RAP1B: variants seen among roughly 807,000 people sequenced by gnomAD.
RAP1B encodes the protein ras-related protein Rap-1b.
Under a neutral mutation model 27.5 loss-of-function variants are expected in RAP1B, and 1 was observed. The observed-to-expected ratio is 0.04, with a 90% CI of 0.01 to 0.17. RAP1B has a LOEUF of 0.17. RAP1B is among the 10% of genes least tolerant of loss of function. RAP1B has a pLI of 1.00. For missense variants in RAP1B, 84 were observed against 214.8 expected, an observed-to-expected ratio of 0.39 and a Z score of 3.81; for synonymous variants, 75 against 73.1, an observed-to-expected ratio of 1.03 and a Z score of -0.13.
rs1046774419 is a variant in RAP1B at position 68,669,180 on chromosome 12, C to T, written c.*9931C>T. 2.0e-5 allele frequency: 3 copies of T among 152,050 alleles called. No individual in the cohort carries two copies. Among genetic ancestry groups the T allele is most frequent in the South Asian group, 2.1e-4 (1 of 4,818 alleles). 9.4% of individuals were successfully genotyped at this position (152,050 alleles called of 1,614,324 possible). A position where few individuals can be genotyped will look rare whatever the true frequency, so the allele number is the denominator to read the frequency against. ...TACCTACAAGTTGATATAGTAAACA[C>T]GACAGATAAAAACTAAATGCCTTAA... On this transcript the variant is annotated 3_prime_UTR_variant, in exon 8 of 8. Transcript: ENST00000250559.
chr12:68,631,995 C>CT (rs531967605), intron 1 of RAP1B, among the ~76,000 whole-genome samples: 54 of 152,000 alleles, frequency 3.6e-4, no homozygotes, highest in African/African-American at 1.2e-3. Flanking sequence ...GTTGGTCACT[C>CT]TGATTCCACT....
intron 3 of RAP1B, chr12:68,651,696 G>A (rs756412434): frequency 4.0e-5 from 12 of 302,680 alleles, no homozygotes; most frequent in East Asian, 2.8e-4. Flanking sequence ...GAGCTATTTC[G>A]AAACTATTTT....
At chr12:68,613,194 T>C (rs1870731048) in intron 1 of RAP1B, among the ~76,000 whole-genome samples, 2 of 151,856 alleles carry the variant, frequency 1.3e-5, no homozygotes, top group Non-Finnish European at 2.9e-5. Context: ...ACCCCGTCTT[T>C]ACTAAAAATA....
intron 1 of RAP1B, among the ~76,000 whole-genome samples, chr12:68,637,449 T>C (rs1205326130): frequency 6.6e-6 from 1 of 151,466 alleles, no homozygotes; most frequent in Non-Finnish European, 1.5e-5. Context: ...AATATAAAAT[T>C]AGCCAGGTGT....
chr12:68,647,645 T>C (rs1357030288), intron 1 of RAP1B, among the ~76,000 whole-genome samples: 1 of 151,662 alleles, frequency 6.6e-6, no homozygotes, highest in African/African-American at 2.4e-5. Context: ...ATTAGGAAGT[T>C]CCATGGTTGG....
In RAP1B at chr12:68,637,615, A is replaced by C. The variant is rs1038190303; in HGVS notation, c.-26-11084A>C. Among the ~76,000 whole-genome samples the C allele has an allele frequency of 6.9e-4, 104 of 150,252 alleles. 1 individual carries two copies. Among genetic ancestry groups the C allele is most frequent in the Non-Finnish European group, 1.1e-3 (76 of 67,338 alleles). On this transcript the variant is annotated intron_variant, in intron 1 of 7. Transcript: ENST00000250559. ...ACTCCATCTCAAAAAAAAAAAAAAA[A>C]AAAAAAAAAAAAACAAGATGCCAGC... is the stretch of plus-strand genomic sequence containing the variant.
At chr12:68,644,852 C>A (rs548812373) in intron 1 of RAP1B, among the ~76,000 whole-genome samples, 1 of 151,638 alleles carries the variant, frequency 6.6e-6, no homozygotes, top group African/African-American at 2.4e-5. Flanking sequence ...CCACACCCGG[C>A]TAATTTTGTA....
chr12:68,626,785 G>GTTGT (rs539507516), intron 1 of RAP1B: 121 of 1,208,412 alleles, frequency 1.0e-4, no homozygotes, highest in Non-Finnish European at 1.3e-4. Flanking sequence ...TTTTTTTTTT[G>GTTGT]TTGTTTGTTT....
intron 6 of RAP1B, 29 bp downstream of exon 6, chr12:68,656,478 T>C: frequency 1.3e-6 from 2 of 1,578,242 alleles, no homozygotes; most frequent in South Asian, 2.2e-5. Context: ...AAAATGGGTC[T>C]TCATTTGAAG....
chr12:68,659,785 T>C lies in RAP1B; in HGVS notation c.*536T>C, dbSNP rs1262789296. ...AAGCGCTTTGATTAACACAGCTATA[T>C]AGTTTTTTTAATTTTTAAAAAACCT... On this transcript the variant is annotated 3_prime_UTR_variant, in exon 8 of 8. Coordinates refer to ENST00000250559, the MANE Select transcript of RAP1B (RefSeq NM_001010942.3). The C allele has an allele frequency of 2.6e-5, 4 of 152,586 alleles. No homozygotes were observed. The highest frequency in any genetic ancestry group is 9.7e-5 in the African/African-American group (4 of 41,448). 9.5% of individuals were successfully genotyped at this position (152,586 alleles called of 1,614,324 possible). A position where few individuals can be genotyped will look rare whatever the true frequency, so the allele number is the denominator to read the frequency against.
intron 1 of RAP1B, among the ~76,000 whole-genome samples, chr12:68,623,950 G>GGC (rs1334113499): frequency 1.3e-5 from 2 of 152,064 alleles, no homozygotes; most frequent in African/African-American, 4.8e-5. Flanking sequence ...GAACCCAGGA[G>GGC]GCGGAGGTTG....
At chr12:68,626,163 A>G (rs1007828356) in intron 1 of RAP1B, among the ~76,000 whole-genome samples, 1 of 152,170 alleles carries the variant, frequency 6.6e-6, no homozygotes, top group Non-Finnish European at 1.5e-5. Context: ...TTGCAAAAGC[A>G]CCACCCCACT....
intron 1 of RAP1B, among the ~76,000 whole-genome samples, chr12:68,638,894 C>G (rs1872806508): frequency 6.6e-6 from 1 of 152,152 alleles, no homozygotes; most frequent in African/African-American, 2.4e-5. Context: ...TTCCTCACTT[C>G]AAGTGATCTG....
intron 1 of RAP1B, among the ~76,000 whole-genome samples, chr12:68,629,674 T>G (rs1167185248): frequency 6.6e-6 from 1 of 152,230 alleles, no homozygotes; most frequent in Non-Finnish European, 1.5e-5. Flanking sequence ...ATATACTGTT[T>G]TATCATCCTC....
intron 1 of RAP1B, among the ~76,000 whole-genome samples, chr12:68,616,088 C>T (rs754680989): frequency 1.9e-4 from 29 of 151,862 alleles, no homozygotes; most frequent in Admixed American, 1.8e-3. Context: ...CTCAGCCTCC[C>T]GAGTAGCTGA....
At chr12:68,651,823 C>G in intron 3 of RAP1B, 172 bp from the exon 4 acceptor site, 1 of 546,602 alleles carries the variant, frequency 1.8e-6, no homozygotes, top group Non-Finnish European at 3.3e-6. Context: ...GTCTTTGAAT[C>G]TTGATTACTT....
intron 4 of RAP1B, among the ~76,000 whole-genome samples, chr12:68,653,810 T>A (rs1463781990): frequency 4.0e-5 from 6 of 151,706 alleles, no homozygotes; most frequent in Non-Finnish European, 8.8e-5. Flanking sequence ...GTGCGCCTGT[T>A]GTCCCAGCTA....
At position 68,662,820 on chromosome 12, in the gene RAP1B, CA is replaced by C. The variant is rs1380074193; in HGVS notation, c.*3572del. The C allele has an allele frequency of 6.6e-6, 1 of 151,688 alleles. No individual in the cohort carries two copies. The highest frequency in any genetic ancestry group is 1.5e-5 in the Non-Finnish European group (1 of 67,968). 9.4% of individuals were successfully genotyped at this position (151,688 alleles called of 1,614,324 possible). ...CTGACAGCCTGGGCAACATAGACCCCATCTCTACAAAAAAAAATTTTTTTTT... is the reference window on the plus strand; with the variant it reads ...CTGACAGCCTGGGCAACATAGACCCCTCTCTACAAAAAAAAATTTTTTTTT... On this transcript the variant is annotated 3_prime_UTR_variant, in exon 8 of 8. Coordinates refer to ENST00000250559, the MANE Select transcript of RAP1B (RefSeq NM_001010942.3).
intron 1 of RAP1B, chr12:68,627,031 G>A (rs188003577): frequency 2.2e-5 from 35 of 1,587,164 alleles, no homozygotes; most frequent in Admixed American, 8.4e-5. Flanking sequence ...ATCTTCTGGC[G>A]GCCAGAAAAC....
Sources: gnomAD v4.1 joint callset for allele counts (sites outside exome capture counted in the v4.1 genomes callset) on GRCh38, gnomAD v4.1.1 for gene constraint, MANE v1.5 for transcripts, NCBI Gene and HGNC (gene_info 2026-07-23, HGNC 2026-07-21) for gene names.